Variants in NGLY1 observed in about 807,000 individuals in gnomAD.
NGLY1 encodes peptide-N(4)-(N-acetyl-beta-glucosaminyl)asparagine amidase.
In NGLY1, 68 loss-of-function variants were observed where a neutral mutation model predicts 84.6. The observed-to-expected ratio is 0.80, with a 90% confidence interval of 0.66 to 0.98. The LOEUF (loss-of-function observed/expected upper bound fraction) is 0.98, where lower values mean the gene tolerates loss of function less well. Among genes scored for constraint, NGLY1 ranks in the 50% least tolerant of loss-of-function variants. NGLY1 has a pLI of 0.00. For synonymous variants in NGLY1, 280 were observed against 275.2 expected (o/e 1.02, Z -0.17); for missense variants, 779 against 770.2 (o/e 1.01, Z -0.14).
chr3:25,742,733 C>T (rs115284439), intron 4 of NGLY1, among the ~76,000 whole-genome samples: 1 of 151,706 alleles, frequency 6.6e-6, no homozygotes, highest in African/African-American at 2.4e-5. Context: ...CTTAAAAAAC[C>T]CTCCAATGGG....
At chr3:25,744,254 T>C (rs1310509380) in intron 4 of NGLY1, among the ~76,000 whole-genome samples, 1 of 152,202 alleles carries the variant, frequency 6.6e-6, no homozygotes, top group Non-Finnish European at 1.5e-5. Flanking sequence ...AAGATATATT[T>C]TGTTACCACT....
At chr3:25,761,117 G>A (rs1707304505) in intron 3 of NGLY1, among the ~76,000 whole-genome samples, 1 of 152,054 alleles carries the variant, frequency 6.6e-6, no homozygotes, top group Non-Finnish European at 1.5e-5. Flanking sequence ...TAAACTGGCA[G>A]TAATTTCTAG....
upstream of NGLY1, among the ~76,000 whole-genome samples, chr3:25,785,599 C>T (rs191291054): frequency 4.0e-5 from 6 of 150,644 alleles, no homozygotes; most frequent in African/African-American, 1.2e-4. Context: ...TTTGGGAGGC[C>T]GAGGTAGGTG....
chr3:25,740,249 T>C (rs1157288278), intron 4 of NGLY1, among the ~76,000 whole-genome samples: 1 of 152,164 alleles, frequency 6.6e-6, no homozygotes, highest in Non-Finnish European at 1.5e-5. Flanking sequence ...TCCAGACATT[T>C]AAAAAATCAT....
chr3:25,728,499 T>C (rs1311641256), intron 10 of NGLY1, among the ~76,000 whole-genome samples: 1 of 152,166 alleles, frequency 6.6e-6, no homozygotes, highest in Non-Finnish European at 1.5e-5. Context: ...GGTGTGTTTC[T>C]AAGGAGCAGG....
rs919335952 is a variant in NGLY1, at chr3:25,752,205, G to A, written c.493-942C>T. The stretch of plus-strand genomic sequence containing the variant: ...AAAGACTCAACTATAGATCTTGGAC[G>A]TAAAAATTTTATTTATTTATTATTA... On this transcript the variant is annotated intron_variant, in intron 3 of 11. Coordinates refer to ENST00000280700, the MANE Select transcript of NGLY1 (RefSeq NM_018297.4). 6.6e-5 allele frequency among the ~76,000 whole-genome samples: 10 copies of A among 152,026 alleles called. No homozygotes were observed. The East Asian group carries it at 1.2e-3, about 18-fold the overall frequency.
intron 6 of NGLY1, chr3:25,736,503 T>C (rs944977315): frequency 2.3e-6 from 2 of 852,612 alleles, no homozygotes; most frequent in South Asian, 3.5e-5. Context: ...TCTCTCTCTC[T>C]GGACTTTAAG....
intron 3 of NGLY1, chr3:25,755,810 T>C (rs1461590195): frequency 1.8e-6 from 1 of 559,192 alleles, no homozygotes; most frequent in Admixed American, 3.1e-5. Flanking sequence ...CTGTTAGATC[T>C]CTTTAGTAAA....
At chr3:25,785,288 TAAAAA>T (rs987905708), upstream of NGLY1, among the ~76,000 whole-genome samples, 2 of 148,366 alleles carry the variant, frequency 1.3e-5, no homozygotes, top group African/African-American at 5.0e-5. Flanking sequence ...TTACAAAAAA[TAAAAA>T]AAAAATTTAA....
At position 25,739,771 on chromosome 3, in the gene NGLY1, A is replaced by G. The variant is rs1219704140; in HGVS notation, c.687T>C (p.Leu229=). 6.2e-7 allele frequency: 1 copy of G among 1,614,040 alleles called. No individual in the cohort carries two copies. Among genetic ancestry groups the G allele is most frequent in the Non-Finnish European group, 8.5e-7 (1 of 1,179,982 alleles). ...TAAACCAGTGCAAAAGCTCCAGCAAAAGAAAATCCTCATCACTTATATTGA... is the reference window on the plus strand; with the variant it reads ...TAAACCAGTGCAAAAGCTCCAGCAAGAGAAAATCCTCATCACTTATATTGA... The part of the protein sequence containing the change: ...KGINISDEDF[L]LLELLHWFKE... The change falls in exon 5 of 12, where the codon CTT becomes CTC. Residue 229 remains leucine, a synonymous_variant. Coordinates refer to ENST00000280700, the MANE Select transcript of NGLY1 (RefSeq NM_018297.4).
At chr3:25,763,615 C>T (rs1019667248) in intron 3 of NGLY1, among the ~76,000 whole-genome samples, 2 of 152,236 alleles carry the variant, frequency 1.3e-5, no homozygotes, top group African/African-American at 4.8e-5. Flanking sequence ...TTTTTGTAAA[C>T]AGGATAATTT....
intron 2 of NGLY1, among the ~76,000 whole-genome samples, chr3:25,776,217 G>C (rs1302411459): frequency 6.6e-6 from 1 of 152,120 alleles, no homozygotes; most frequent in African/African-American, 2.4e-5. Flanking sequence ...TGAGACCGAG[G>C]GGTTTTCTGG....
chr3:25,721,568 T>A (rs1704990495), intron 10 of NGLY1, among the ~76,000 whole-genome samples: 1 of 149,536 alleles, frequency 6.7e-6, no homozygotes, highest in Non-Finnish European at 1.5e-5. Context: ...CCTAACACAG[T>A]GAAACCCTGC....
At chr3:25,772,128 T>C (rs1023084885) in intron 2 of NGLY1, among the ~76,000 whole-genome samples, 37 of 152,340 alleles carry the variant, frequency 2.4e-4, no homozygotes, top group African/African-American at 8.7e-4. Flanking sequence ...GAATGCTTTC[T>C]ACTTTTCCCT....
rs543665052 is a variant in NGLY1 at position 25,720,095 on chromosome 3, T to C, written c.1708A>G (p.Arg570Gly). The C allele has an allele frequency of 1.2e-6, 2 of 1,613,864 alleles. No individual in the cohort carries two copies. Among genetic ancestry groups the C allele is most frequent in the African/African-American group, 1.3e-5 (1 of 75,042 alleles). ...VGLKVDSISI[R>G]TSSQTFQTGT... is the part of the protein sequence containing the mutation. ...GTCTGAAAAGTTTGACTACTTGTTC[T>C]AATAGAAATGCTATCTACTTTTAGG... The change falls in exon 11 of 12, where the codon AGA becomes GGA. Residue 570 changes from arginine to glycine, a missense_variant. Coordinates refer to ENST00000280700, the MANE Select transcript of NGLY1 (RefSeq NM_018297.4).
In NGLY1 at chr3:25,719,383, A is replaced by G. The variant is rs1704861474; in HGVS notation, c.*77T>C. ...TGCTAGCACAGGGTGGTAACTGCCAACTAAGCATGCACTGAACCAACAGAC... is the reference window on the plus strand; with the variant it reads ...TGCTAGCACAGGGTGGTAACTGCCAGCTAAGCATGCACTGAACCAACAGAC... On this transcript the variant is annotated 3_prime_UTR_variant, in exon 12 of 12. Coordinates refer to ENST00000280700, the MANE Select transcript of NGLY1 (RefSeq NM_018297.4). The G allele has an allele frequency of 1.6e-6, 2 of 1,267,806 alleles. No individual in the cohort carries two copies. Among genetic ancestry groups the G allele is most frequent in the Non-Finnish European group, 2.2e-6 (2 of 896,820 alleles). 78.5% of individuals were successfully genotyped at this position (1,267,806 alleles called of 1,614,324 possible).
At chr3:25,771,276 T>C (rs750104124) in intron 2 of NGLY1, among the ~76,000 whole-genome samples, 5 of 152,236 alleles carry the variant, frequency 3.3e-5, no homozygotes, top group Non-Finnish European at 7.3e-5. Context: ...TTACCAATTA[T>C]CCTAGCACCA....
intron 1 of NGLY1, chr3:25,782,602 T>C (rs1708469527): frequency 6.6e-6 from 1 of 152,206 alleles, no homozygotes; most frequent in Non-Finnish European, 1.5e-5. Flanking sequence ...CCAAGGCGAT[T>C]ACCTCCACGA....
rs187193340 is a variant in NGLY1, at chr3:25,759,946, C to T, written c.492+4120G>A. ...CACACACACACACACACACACACAA[C>T]AAATCAAGGCTTGAGCCTACTTGCC... is the stretch of plus-strand genomic sequence containing the variant. On this transcript the variant is annotated intron_variant, in intron 3 of 11. Transcript: ENST00000280700. 2.8e-3 allele frequency among the ~76,000 whole-genome samples: 420 copies of T among 148,390 alleles called. 2 individuals carry two copies. The highest frequency in any genetic ancestry group is 4.5e-3 in the Non-Finnish European group (300 of 66,946).
Sources: allele counts gnomAD v4.1 joint callset (sites outside exome capture counted in the v4.1 genomes callset), GRCh38; gene constraint gnomAD v4.1.1; transcripts MANE v1.5; gene names NCBI Gene and HGNC (gene_info 2026-07-23, HGNC 2026-07-21).